The following KRT33B variants were observed in gnomAD, a reference collection of about 807,000 sequenced individuals.
KRT33B encodes the protein keratin, type I cuticular Ha3-II.
Under a neutral mutation model 42.7 loss-of-function variants are expected in KRT33B, and 37 were observed. The ratio of observed to expected loss-of-function variants is 0.87; its 90% CI spans 0.67 to 1.14. The LOEUF (loss-of-function observed/expected upper bound fraction) is 1.14. Ranked by LOEUF, KRT33B falls within the 50% of genes most tolerant of loss-of-function variation. The pLI is 0.00. For missense variants in KRT33B, 523 were observed against 515.1 expected (o/e 1.02, Z -0.15); for synonymous variants, 237 against 221.2 (o/e 1.07, Z -0.63).
chr17:41,366,423 G>T (rs766917036), intron 3 of KRT33B, 47 bp downstream of exon 3: 8 of 1,602,920 alleles, frequency 5.0e-6, no homozygotes, highest in Non-Finnish European at 6.8e-6. Flanking sequence ...TATTCAGGGG[G>T]ATCACAGAGC....
Position 41,366,586 on chromosome 17 carries a change from C to A in KRT33B, c.472G>T (p.Asp158Tyr). 1 of 1,612,110 alleles carries A rather than the reference C, an allele frequency of 6.2e-7. No homozygotes were observed. Among genetic ancestry groups the A allele is most frequent in the Non-Finnish European group, 8.5e-7 (1 of 1,179,892 alleles). The change falls in exon 3 of 7, where the codon GAC (aspartate) becomes TAC (tyrosine). Residue 158 changes from aspartate to tyrosine, a missense_variant. Coordinates refer to ENST00000251646, the MANE Select transcript of KRT33B (RefSeq NM_002279.5). ...AGAATCCTGCGCAGGCTGTTGATGT[C>A]GGACTCCACCAGCTGCCGCAGGGAC... ...EQSLRQLVES[D>Y]INSLRRILDE... is the part of the protein sequence containing the mutation.
intron 1 of KRT33B, among the ~76,000 whole-genome samples, chr17:41,368,454 G>A (rs2017729832): frequency 6.6e-6 from 1 of 151,200 alleles, no homozygotes; most frequent in East Asian, 1.9e-4. Flanking sequence ...TCACCCACTA[G>A]CAAGACCCCT....
rs2017724702 is a variant in KRT33B at position 41,368,137 on chromosome 17, T to A, written c.349-147A>T. ...GCTCTGAGATAAAAGGAGGATTTGA[T>A]CATAAAACTGATCATTTCAAAACCA... On this transcript the variant is annotated intron_variant, in intron 1 of 6. Coordinates refer to ENST00000251646, the MANE Select transcript of KRT33B (RefSeq NM_002279.5). 5 of 730,534 alleles carry A rather than the reference T, an allele frequency of 6.8e-6. No individual in the cohort carries two copies. The South Asian group carries it at 8.3e-5, about 12-fold the overall frequency. 45.3% of individuals were successfully genotyped at this position (730,534 alleles called of 1,614,324 possible). A position where few individuals can be genotyped will look rare whatever the true frequency, so the allele number is the denominator to read the frequency against.
Position 41,363,839 on chromosome 17 carries a change from G to A in KRT33B, c.1212C>T (p.Tyr404=), listed in dbSNP as rs1350425291. Residue 404 remains tyrosine, a synonymous_variant, in exon 7 of 7, where the codon TAC becomes TAT. Coordinates refer to ENST00000251646, the MANE Select transcript of KRT33B (RefSeq NM_002279.5). The part of the protein sequence containing the change: ...SRCGPCNTFG[Y] ...ACTTCTGCTGGCCCCAGGGTATCTA[G>A]TACCCAAAGGTGTTGCAAGGCCCAC... is the stretch of plus-strand genomic sequence containing the variant. 1.3e-6 allele frequency: 2 copies of A among 1,591,266 alleles called. No individual in the cohort carries two copies. Among genetic ancestry groups the A allele is most frequent in the Non-Finnish European group, 1.7e-6 (2 of 1,163,682 alleles).
intron 6 of KRT33B, among the ~76,000 whole-genome samples, chr17:41,364,540 A>T (rs1337179612): frequency 6.6e-6 from 1 of 151,426 alleles, no homozygotes; most frequent in Non-Finnish European, 1.5e-5. Context: ...GGCCATCAAC[A>T]TCCAAAAAAT....
chr17:41,364,352 G>A (rs539258434), intron 6 of KRT33B, among the ~76,000 whole-genome samples: 16 of 151,410 alleles, frequency 1.1e-4, no homozygotes, highest in Non-Finnish European at 2.1e-4. Flanking sequence ...ACACTCAAAT[G>A]CTCATCTATA....
At chr17:41,364,642 C>T (rs2017669747) in intron 6 of KRT33B, 137 bp downstream of exon 6, 1 of 1,124,692 alleles carries the variant, frequency 8.9e-7, no homozygotes, top group Non-Finnish European at 1.3e-6. Flanking sequence ...ATATCCTACA[C>T]TTCCCACGGC....
chr17:41,367,105 A>G (rs2017710939), intron 2 of KRT33B, among the ~76,000 whole-genome samples: 1 of 151,408 alleles, frequency 6.6e-6, no homozygotes, highest in Non-Finnish European at 1.5e-5. Context: ...TGTAAAATGA[A>G]GACAAAACTA....
chr17:41,365,417 T>C lies in KRT33B; in HGVS notation c.725A>G (p.Glu242Gly), dbSNP rs750322005. The change falls in exon 4 of 7, where the codon GAA (glutamate) becomes GGA (glycine). Residue 242 changes from glutamate (E) to glycine (G), a missense_variant. Coordinates refer to ENST00000251646, the MANE Select transcript of KRT33B (RefSeq NM_002279.5). ...YEALVETNRR[E>G]VEQWFATQTE... ...CTGCGTGGCGAACCATTGCTCCACTTCCCTGCGGTTGGTTTCCACCAGGGC... is the reference window on the plus strand; with the variant it reads ...CTGCGTGGCGAACCATTGCTCCACTCCCCTGCGGTTGGTTTCCACCAGGGC... The C allele has an allele frequency of 1.9e-6, 3 of 1,612,534 alleles. No individual in the cohort carries two copies. The South Asian group carries it at 3.3e-5, about 18-fold the overall frequency.
Position 41,363,836 on chromosome 17 carries a change from CT to C in KRT33B, c.1214del (p.Ter405=). On this transcript the variant is annotated frameshift_variant and stop_lost, in exon 7 of 7. Transcript: ENST00000251646. LOFTEE classifies it high-confidence loss of function. ...RCGPCNTFGY[*>X] ...TATACTTCTGCTGGCCCCAGGGTAT[CT>C]AGTACCCAAAGGTGTTGCAAGGCCC... 1 of 1,588,060 alleles carries C rather than the reference CT, an allele frequency of 6.3e-7. No homozygotes were observed. The highest frequency in any genetic ancestry group is 1.7e-5 in the Admixed American group (1 of 59,350).
chr17:41,365,297 C>T lies in KRT33B; in HGVS notation c.754G>A (p.Glu252Lys). 3 of 1,612,628 alleles carry T rather than the reference C, an allele frequency of 1.9e-6. No homozygotes were observed. The highest frequency in any genetic ancestry group is 2.5e-6 in the Non-Finnish European group (3 of 1,179,976). The part of the protein sequence containing the change: ...EVEQWFATQT[E>K]ELNKQVVSSS... ...GATACCACCTGCTTGTTCAGCTCCTCGGTCTGAAACACCCAAGGGGAGAAA... is the reference window on the plus strand; with the variant it reads ...GATACCACCTGCTTGTTCAGCTCCTTGGTCTGAAACACCCAAGGGGAGAAA... The change falls in exon 5 of 7, where the codon GAG (glutamate) becomes AAG (lysine). Residue 252 changes from glutamate to lysine, a missense_variant. Glu to Lys is a moderately conservative substitution (Grantham distance 56, BLOSUM62 1). Coordinates refer to ENST00000251646, the MANE Select transcript of KRT33B (RefSeq NM_002279.5).
At position 41,363,735 on chromosome 17, in the gene KRT33B, C is replaced by A; in HGVS notation, c.*101G>T. ...TCCAGACCATGATTTGTGGTGATGC[C>A]TCGGGGTGGGGTCCGGTGGCTGATG... On this transcript the variant is annotated 3_prime_UTR_variant, in exon 7 of 7. Transcript: ENST00000251646. 1 of 768,156 alleles carries A rather than the reference C, an allele frequency of 1.3e-6. No individual in the cohort carries two copies. Among genetic ancestry groups the A allele is most frequent in the Non-Finnish European group, 2.2e-6 (1 of 448,794 alleles). The allele number at this position is 768,156 out of a possible 1,614,324, so 47.6% of individuals were successfully genotyped here.
At chr17:41,367,760 G>A in intron 2 of KRT33B, 148 bp downstream of exon 2, 1 of 601,516 alleles carries the variant, frequency 1.7e-6, no homozygotes, top group Non-Finnish European at 2.9e-6. Context: ...ACCTATTGAA[G>A]AGGCTTTGAC....
intron 2 of KRT33B, among the ~76,000 whole-genome samples, chr17:41,367,228 G>C (rs1249825550): frequency 6.6e-6 from 1 of 151,380 alleles, no homozygotes; most frequent in Non-Finnish European, 1.5e-5. Flanking sequence ...ATACCTAAAA[G>C]TATTGATTGA....
At position 41,366,531 on chromosome 17, in the gene KRT33B, A is replaced by G. The variant is rs749985802; in HGVS notation, c.527T>C (p.Leu176Pro). 4 of 1,612,738 alleles carry G rather than the reference A, an allele frequency of 2.5e-6. No homozygotes were observed. The highest frequency in any genetic ancestry group is 3.4e-6 in the Non-Finnish European group (4 of 1,180,020). Residue 176 changes from leucine to proline, a missense_variant, in exon 3 of 7, where the codon CTG becomes CCG. Transcript: ENST00000251646. ...CTTCAGGGACTCCATCTGGGCCTCC[A>G]GGTCAGACCTGCACAGGGTCAGCTC... ...LDELTLCRSD[L>P]EAQMESLKEE...
chr17:41,367,985 C>T lies in KRT33B; in HGVS notation c.354G>A (p.Leu118=). The part of the protein sequence containing the change: ...KTIEELQQKI[L]CSKSENARLV... ...GCCTGGCATTCTCAGACTTGCTGCA[C>T]AGGATCTGGGGATAGGATTAATCAT... The change falls in exon 2 of 7, where the codon CTG becomes CTA. Residue 118 remains leucine (L), a synonymous_variant. Coordinates refer to ENST00000251646, the MANE Select transcript of KRT33B (RefSeq NM_002279.5). The T allele has an allele frequency of 1.2e-6, 2 of 1,613,044 alleles. No individual in the cohort carries two copies. The highest frequency in any genetic ancestry group is 1.7e-6 in the Non-Finnish European group (2 of 1,179,988).
At position 41,363,897 on chromosome 17, in the gene KRT33B, C is replaced by T; in HGVS notation, c.1154G>A (p.Cys385Tyr). ...ACGAGGACCACAAGGATTGGTGACA[C>T]AGGATCCAATGGGCTTTTCACATGC... ...TNACEKPIGSCVTNPCGPRSR... is the reference protein window; with the variant it reads ...TNACEKPIGSYVTNPCGPRSR... The change falls in exon 7 of 7, where the codon TGT becomes TAT. Residue 385 changes from cysteine (C) to tyrosine (Y), a missense_variant. Physicochemically the swap from Cys to Tyr is radical, Grantham distance 194. Coordinates refer to ENST00000251646, the MANE Select transcript of KRT33B (RefSeq NM_002279.5). 4 of 1,611,928 alleles carry T rather than the reference C, an allele frequency of 2.5e-6. No individual in the cohort carries two copies. The highest frequency in any genetic ancestry group is 3.4e-6 in the Non-Finnish European group (4 of 1,179,582).
At position 41,366,532 on chromosome 17, in the gene KRT33B, G is replaced by C; in HGVS notation, c.526C>G (p.Leu176Val). ...LDELTLCRSD[L>V]EAQMESLKEE... ...TTCAGGGACTCCATCTGGGCCTCCA[G>C]GTCAGACCTGCACAGGGTCAGCTCA... The change falls in exon 3 of 7, where the codon CTG becomes GTG. Residue 176 changes from leucine to valine, a missense_variant. Transcript: ENST00000251646. 2 of 1,612,706 alleles carry C rather than the reference G, an allele frequency of 1.2e-6. No homozygotes were observed. The highest frequency in any genetic ancestry group is 1.7e-6 in the Non-Finnish European group (2 of 1,180,016).
chr17:41,368,447 C>T (rs974500498), intron 1 of KRT33B, among the ~76,000 whole-genome samples: 11 of 151,318 alleles, frequency 7.3e-5, no homozygotes, highest in Non-Finnish European at 1.6e-4. Flanking sequence ...AATGCCCTCA[C>T]CCACTAGCAA....
Sources: allele counts gnomAD v4.1 joint callset (sites outside exome capture counted in the v4.1 genomes callset), GRCh38; gene constraint gnomAD v4.1.1; transcripts MANE v1.5; gene names NCBI Gene and HGNC (gene_info 2026-07-23, HGNC 2026-07-21).